Variants in ELMO1 observed in about 807,000 individuals in gnomAD.
The protein encoded by ELMO1 is engulfment and cell motility protein 1.
In ELMO1, 26 loss-of-function variants were observed where a neutral mutation model predicts 98.9. The ratio of observed to expected loss-of-function variants is 0.26; its 90% confidence interval spans 0.19 to 0.36. The LOEUF (loss-of-function observed/expected upper bound fraction) is 0.36. ELMO1 is among the 10% of genes least tolerant of loss of function. The pLI, the probability that ELMO1 is intolerant of heterozygous loss-of-function variation, is 1.00. For synonymous variants in ELMO1, 346 were observed against 346.0 expected (o/e 1.00, Z 0.00); for missense variants, 627 against 935.2 (o/e 0.67, Z 4.30).
intron 15 of ELMO1, among the ~76,000 whole-genome samples, chr7:37,091,143 T>G (rs1348315851): frequency 6.6e-6 from 1 of 152,192 alleles, no homozygotes; most frequent in Non-Finnish European, 1.5e-5. Flanking sequence ...GTTTCATTCT[T>G]GTCACCCAGG....
chr7:37,006,174 C>T (rs1793108121), intron 16 of ELMO1, among the ~76,000 whole-genome samples: 2 of 152,230 alleles, frequency 1.3e-5, no homozygotes, highest in African/African-American at 4.8e-5. Flanking sequence ...AAGTTCAACG[C>T]ACCCCCATAC....
chr7:37,009,684 G>A (rs1406908122), intron 16 of ELMO1, among the ~76,000 whole-genome samples: 1 of 152,214 alleles, frequency 6.6e-6, no homozygotes, highest in Non-Finnish European at 1.5e-5. Flanking sequence ...ACAGAGCCCT[G>A]GGTCTCAGGG....
rs1167051268 is a variant in ELMO1 at position 36,855,399 on chromosome 7, G to A, written c.*152C>T. 1.3e-5 allele frequency: 12 copies of A among 953,518 alleles called. No homozygotes were observed. Among genetic ancestry groups the A allele is most frequent in the Non-Finnish European group, 1.7e-5 (11 of 629,820 alleles). 59.1% of individuals were successfully genotyped at this position (953,518 alleles called of 1,614,324 possible). A position where few individuals can be genotyped will look rare whatever the true frequency, so the allele number is the denominator to read the frequency against. On this transcript the variant is annotated 3_prime_UTR_variant, in exon 22 of 22. Coordinates refer to ENST00000310758, the MANE Select transcript of ELMO1 (RefSeq NM_014800.11). This position sits in a 1 kb window ranked among gnomAD's most constrained non-coding sequence, Gnocchi z 4.2. Reference sequence around the variant, plus strand: ...GCAAGATGCCAGCTAGGGGCTGAAAGTTGCCAGGGCTAGAGGTGATGCTGA... The same window carrying A: ...GCAAGATGCCAGCTAGGGGCTGAAAATTGCCAGGGCTAGAGGTGATGCTGA...
At chr7:37,404,446 G>A (rs1054137633) in intron 1 of ELMO1, among the ~76,000 whole-genome samples, 2 of 152,118 alleles carry the variant, frequency 1.3e-5, no homozygotes, top group African/African-American at 4.8e-5. Flanking sequence ...TGCATCCCTA[G>A]GTCCCACGCT....
intron 1 of ELMO1, among the ~76,000 whole-genome samples, chr7:37,403,878 C>G (rs972058248): frequency 1.3e-5 from 2 of 151,992 alleles, no homozygotes; most frequent in Non-Finnish European, 2.9e-5. Context: ...ATAGAACATA[C>G]GACACAAAAA....
At chr7:37,052,474 T>G (rs1309792153) in intron 15 of ELMO1, among the ~76,000 whole-genome samples, 1 of 152,250 alleles carries the variant, frequency 6.6e-6, no homozygotes, top group African/African-American at 2.4e-5. Flanking sequence ...GCCCTCTTTC[T>G]CAGGCTGCAA....
intron 15 of ELMO1, among the ~76,000 whole-genome samples, chr7:37,069,395 A>T (rs1250791754): frequency 2.0e-5 from 3 of 152,244 alleles, no homozygotes; most frequent in Non-Finnish European, 4.4e-5. Flanking sequence ...TGATAAAGTC[A>T]AAACAAATCC....
intron 1 of ELMO1, among the ~76,000 whole-genome samples, chr7:37,362,807 C>A (rs1801747011): frequency 6.6e-6 from 1 of 152,190 alleles, no homozygotes; most frequent in Admixed American, 6.5e-5. Context: ...CTCTTCTGAG[C>A]ACTCTAGGGG....
chr7:36,969,186 ATATTT>A (rs1584453750), intron 16 of ELMO1, among the ~76,000 whole-genome samples: 1 of 152,062 alleles, frequency 6.6e-6, no homozygotes, highest in East Asian at 1.9e-4. Context: ...TCTATATATT[ATATTT>A]TAACATAATA....
At chr7:36,935,508 T>A (rs1562837345) in intron 16 of ELMO1, among the ~76,000 whole-genome samples, 3 of 152,162 alleles carry the variant, frequency 2.0e-5, no homozygotes, top group Non-Finnish European at 4.4e-5. Context: ...CTATCTGATA[T>A]CTTGATCAAA....
At chr7:37,265,552 C>A (rs927575091) in intron 5 of ELMO1, among the ~76,000 whole-genome samples, 3 of 152,052 alleles carry the variant, frequency 2.0e-5, no homozygotes, top group African/African-American at 7.2e-5. Flanking sequence ...TCTCATGAGG[C>A]GTCCCTGTCC....
At chr7:37,181,108 TA>T (rs1336440934) in intron 13 of ELMO1, among the ~76,000 whole-genome samples, 1 of 152,152 alleles carries the variant, frequency 6.6e-6, no homozygotes, top group Non-Finnish European at 1.5e-5. Context: ...TCAGTAAGAA[TA>T]AAAATAATAA....
chr7:37,270,945 CT>C (rs796192856), intron 5 of ELMO1: 91 of 142,982 alleles, frequency 6.4e-4, no homozygotes, highest in Non-Finnish European at 8.0e-4. Context: ...TCTTTTTTTT[CT>C]TTTTTTTTTT....
At chr7:37,446,874 T>A (rs6952260) in intron 1 of ELMO1, among the ~76,000 whole-genome samples, 27,427 of 152,246 alleles carry the variant, frequency 0.18, 3,039 homozygotes, top group South Asian at 0.38. Context: ...CATGCACATT[T>A]AACCACAGCC....
chr7:37,155,499 A>AC (rs1554427429), intron 13 of ELMO1, among the ~76,000 whole-genome samples: 1 of 131,780 alleles, frequency 7.6e-6, no homozygotes, highest in Non-Finnish European at 1.7e-5. Context: ...AAAAAAAAAA[A>AC]AAAAAAAAAG....
At chr7:36,946,748 T>C (rs1787524451) in intron 16 of ELMO1, among the ~76,000 whole-genome samples, 1 of 152,170 alleles carries the variant, frequency 6.6e-6, no homozygotes, top group Non-Finnish European at 1.5e-5. Context: ...GCCTGTCTCT[T>C]AAATGCAGAT....
At chr7:37,130,375 A>C (rs1303318640) in intron 14 of ELMO1, among the ~76,000 whole-genome samples, 3 of 152,204 alleles carry the variant, frequency 2.0e-5, no homozygotes, top group African/African-American at 7.2e-5. Flanking sequence ...AAAGGTCCAG[A>C]GACAGAGTCC....
Position 36,853,011 on chromosome 7 carries a change from G to C in ELMO1, c.*2540C>G, listed in dbSNP as rs1424597059. Among the ~76,000 whole-genome samples the C allele has an allele frequency of 6.6e-6, 1 of 152,160 alleles. No homozygotes were observed. Among genetic ancestry groups the C allele is most frequent in the Non-Finnish European group, 1.5e-5 (1 of 68,042 alleles). ...CTACTTTACTTCTGCCTTGGATTTG[G>C]CTGAGTTGCCCAGGCTTAGGAAACT... On this transcript the variant is annotated 3_prime_UTR_variant, in exon 22 of 22. Coordinates refer to ENST00000310758, the MANE Select transcript of ELMO1 (RefSeq NM_014800.11).
intron 13 of ELMO1, among the ~76,000 whole-genome samples, chr7:37,141,868 T>C (rs776738808): frequency 1.3e-5 from 2 of 152,222 alleles, no homozygotes; most frequent in Admixed American, 6.5e-5. Flanking sequence ...GTCTTACCCA[T>C]GCTGATCTGA....
Sources: allele counts gnomAD v4.1 joint callset (sites outside exome capture counted in the v4.1 genomes callset), GRCh38; gene constraint gnomAD v4.1.1; non-coding constraint Gnocchi (gnomAD v3.1); transcripts MANE v1.5; gene names NCBI Gene and HGNC (gene_info 2026-07-23, HGNC 2026-07-21).